SAMD9: variants seen among roughly 807,000 people sequenced by gnomAD.
SAMD9 encodes sterile alpha motif domain-containing protein 9.
Under a neutral mutation model 1.5 loss-of-function variants are expected in SAMD9, and 3 were observed. That is an observed-to-expected ratio of 2.05 (90% CI 0.93 to 5.29). SAMD9 has a LOEUF of 5.29. Ranked by LOEUF, SAMD9 falls within the 30% of genes most tolerant of loss-of-function variation. The probability of loss-of-function intolerance (pLI) is 0.02; values close to 1 mark genes in which losing one functional copy is unlikely to be tolerated. For synonymous variants in SAMD9, 635 were observed against 631.9 expected, an observed-to-expected ratio of 1.00 and a Z score of -0.07; for missense variants, 1,597 against 1,820.8, an observed-to-expected ratio of 0.88 and a Z score of 2.24.
rs576323214 is a variant in SAMD9, at chr7:93,101,648, C to T, written c.4450G>A (p.Gly1484Arg). 26 of 1,613,758 alleles carry T rather than the reference C, an allele frequency of 1.6e-5. No individual in the cohort carries two copies. The highest frequency in any genetic ancestry group is 3.3e-5 in the Admixed American group (2 of 60,002). Residue 1484 changes from glycine to arginine, a missense_variant, in exon 3 of 3, where the codon GGA becomes AGA. Physicochemically the swap from Gly to Arg is moderately radical, Grantham distance 125. This residue lies in a region of SAMD9 where 682 missense variants were observed against 810.0 expected (regional missense o/e 0.84). Coordinates refer to ENST00000379958, the MANE Select transcript of SAMD9 (RefSeq NM_017654.4). ...AGTCTTTCCAGTCTTTTACCTTTTC[C>T]AAGAAAGAAATATGCAATTGGTTGC... ...TKQPIAYFFL[G>R]KGKRLERLVH...
intron 2 of SAMD9, among the ~76,000 whole-genome samples, chr7:93,108,932 G>A (rs762952759): frequency 3.3e-5 from 5 of 152,178 alleles, no homozygotes; most frequent in Non-Finnish European, 5.9e-5. Flanking sequence ...ATCCCTGTCT[G>A]ACAGCTTTGA....
chr7:93,101,668 G>T lies in SAMD9; in HGVS notation c.4430C>A (p.Pro1477Gln). 1 of 1,613,612 alleles carries T rather than the reference G, an allele frequency of 6.2e-7. No homozygotes were observed. Among genetic ancestry groups the T allele is most frequent in the Non-Finnish European group, 8.5e-7 (1 of 1,179,610 alleles). The change falls in exon 3 of 3, where the codon CCA becomes CAA. Residue 1477 changes from proline (P) to glutamine (Q), a missense_variant. By Grantham distance (76) the Pro-to-Gln change is moderately conservative. Transcript: ENST00000379958. ...TTTTCCAAGAAAGAAATATGCAATT[G>T]GTTGCTTTGTACGATGCATATGTTT... ...QYKHMHRTKQPIAYFFLGKGK... is the reference protein window; with the variant it reads ...QYKHMHRTKQQIAYFFLGKGK...
chr7:93,114,295 T>C (rs1460836387), intron 2 of SAMD9, among the ~76,000 whole-genome samples: 19 of 94,508 alleles, frequency 2.0e-4, no homozygotes, highest in South Asian at 8.4e-4. Flanking sequence ...CACTGGGGCC[T>C]GTTGTGGGGT....
chr7:93,110,262 A>G (rs948863175), intron 2 of SAMD9, among the ~76,000 whole-genome samples: 4 of 152,298 alleles, frequency 2.6e-5, no homozygotes, highest in African/African-American at 9.6e-5. Context: ...AATGCCGAGA[A>G]ATTTTGTTAC....
chr7:93,110,871 C>A (rs543255198), intron 2 of SAMD9, among the ~76,000 whole-genome samples: 4 of 152,180 alleles, frequency 2.6e-5, no homozygotes, highest in African/African-American at 9.6e-5. Context: ...ACTTTAACAC[C>A]CCACTGTCAA....
At position 93,104,438 on chromosome 7, in the gene SAMD9, C is replaced by T. The variant is rs1584253924; in HGVS notation, c.1660G>A (p.Asp554Asn). 1 of 1,613,862 alleles carries T rather than the reference C, an allele frequency of 6.2e-7. No homozygotes were observed. Among genetic ancestry groups the T allele is most frequent in the East Asian group, 2.2e-5 (1 of 44,882 alleles). The change falls in exon 3 of 3, where the codon GAT becomes AAT. Residue 554 changes from aspartate (D) to asparagine (N), a missense_variant. By Grantham distance (23) the Asp-to-Asn change is conservative (BLOSUM62 1). Around this residue, in one of 6 missense-constraint regions of SAMD9, gnomAD observed 358 missense variants for 460.4 expected, o/e 0.78. Coordinates refer to ENST00000379958, the MANE Select transcript of SAMD9 (RefSeq NM_017654.4). ...LLLSSVDDPR[D>N]PLIETFCAFY... Reference sequence around the variant, plus strand: ...GCACAGAAAGTCTCAATGAGGGGATCTCTTGGGTCATCCACAGAGGACAGT... The same window carrying T: ...GCACAGAAAGTCTCAATGAGGGGATTTCTTGGGTCATCCACAGAGGACAGT...
rs1188960627 is a variant in SAMD9 at position 93,104,436 on chromosome 7, A to T, written c.1662T>A (p.Asp554Glu). 2 of 1,613,940 alleles carry T rather than the reference A, an allele frequency of 1.2e-6. No homozygotes were observed. The highest frequency in any genetic ancestry group is 1.7e-5 in the Admixed American group (1 of 60,016). Reference protein sequence around the residue: ...LLLSSVDDPRDPLIETFCAFY... With the variant: ...LLLSSVDDPREPLIETFCAFY... ...AAGCACAGAAAGTCTCAATGAGGGG[A>T]TCTCTTGGGTCATCCACAGAGGACA... Residue 554 changes from aspartate (D) to glutamate (E), a missense_variant, in exon 3 of 3, where the codon GAT becomes GAA. Coordinates refer to ENST00000379958, the MANE Select transcript of SAMD9 (RefSeq NM_017654.4).
chr7:93,109,329 T>TAAAACCACAAAGATGGGAA (rs1235110798), intron 2 of SAMD9, among the ~76,000 whole-genome samples: 2 of 152,094 alleles, frequency 1.3e-5, no homozygotes, highest in Non-Finnish European at 2.9e-5. Flanking sequence ...CAAAGGTAGA[T>TAAAACCACAAAGATGGGAA]AAAACCACAA....
intron 2 of SAMD9, among the ~76,000 whole-genome samples, chr7:93,109,700 G>T (rs1297497826): frequency 6.6e-6 from 1 of 152,030 alleles, no homozygotes; most frequent in African/African-American, 2.4e-5. Flanking sequence ...TGGAAGAAAG[G>T]GTATCAGTGA....
chr7:93,110,254 T>C (rs372416658), intron 2 of SAMD9, among the ~76,000 whole-genome samples: 3 of 152,138 alleles, frequency 2.0e-5, no homozygotes, highest in African/African-American at 7.2e-5. Context: ...GACAAGCAAA[T>C]GCCGAGAAAT....
In SAMD9 at chr7:93,103,317, A is replaced by G; in HGVS notation, c.2781T>C (p.Tyr927=). The G allele has an allele frequency of 1.9e-6, 3 of 1,613,650 alleles. No homozygotes were observed. Among genetic ancestry groups the G allele is most frequent in the Non-Finnish European group, 1.7e-6 (2 of 1,179,688 alleles). Residue 927 remains tyrosine (Y), a synonymous_variant, in exon 3 of 3, where the codon TAT becomes TAC. Transcript: ENST00000379958. ...LFSFLALLNS[Y]VPDTTISLSQ... is the part of the protein sequence containing the mutation. ...ATAGTGAAATGGTGGTATCAGGCAC[A>G]TATGAATTAAGAAGAGCCAGAAAAG...
Position 93,103,886 on chromosome 7 carries a change from G to T in SAMD9, c.2212C>A (p.His738Asn). The T allele has an allele frequency of 5.0e-6, 8 of 1,613,980 alleles. No individual in the cohort carries two copies. Among genetic ancestry groups the T allele is most frequent in the Non-Finnish European group, 6.8e-6 (8 of 1,179,848 alleles). The change falls in exon 3 of 3, where the codon CAT (histidine) becomes AAT (asparagine). Residue 738 changes from histidine (H) to asparagine (N), a missense_variant. Physicochemically the swap from His to Asn is moderately conservative, Grantham distance 68. Coordinates refer to ENST00000379958, the MANE Select transcript of SAMD9 (RefSeq NM_017654.4). The part of the protein sequence containing the change: ...TSTKIIHLYH[H>N]PGCGGTTLAM... ...AAGGTAGTTCCCCCACAGCCTGGAT[G>T]ATGATACAGATGAATAATTTTGGTA... is the stretch of plus-strand genomic sequence containing the variant.
Position 93,105,442 on chromosome 7 carries a change from AC to A in SAMD9, c.655del (p.Val219PhefsTer9). ...CATACAAGCTGAAGCAAATCGGAAA[AC>A]CTCATTGCTAAATTTCATCTTGACA... ...EDVKMKFSNE[V>X]FRFASACMNS... On this transcript the variant is annotated frameshift_variant, in exon 3 of 3. Transcript: ENST00000379958. LOFTEE classifies it low-confidence loss of function (END_TRUNC). The A allele has an allele frequency of 6.2e-7, 1 of 1,613,850 alleles. No homozygotes were observed. The highest frequency in any genetic ancestry group is 8.5e-7 in the Non-Finnish European group (1 of 1,179,952).
Position 93,104,466 on chromosome 7 carries a change from T to C in SAMD9, c.1632A>G (p.Leu544=), listed in dbSNP as rs1296671680. The change falls in exon 3 of 3, where the codon CTA becomes CTG. Residue 544 remains leucine (L), a synonymous_variant. Transcript: ENST00000379958. ...TTGGGTCATCCACAGAGGACAGTAA[T>C]AGAAATACCACCAAAAACTTCCCTC... ...MPRGKFLVVF[L]LLSSVDDPRD... is the part of the protein sequence containing the mutation. 1.9e-6 allele frequency: 3 copies of C among 1,613,910 alleles called. No homozygotes were observed. Among genetic ancestry groups the C allele is most frequent in the Non-Finnish European group, 1.7e-6 (2 of 1,179,904 alleles).
chr7:93,117,291 G>GTTGTTT (rs1475247848), intron 1 of SAMD9, among the ~76,000 whole-genome samples: 2 of 151,256 alleles, frequency 1.3e-5, no homozygotes, highest in Admixed American at 6.6e-5. Flanking sequence ...TGTTGTTGTT[G>GTTGTTT]TTTTTGAGAC....
chr7:93,105,406 G>A lies in SAMD9; in HGVS notation c.692C>T (p.Thr231Ile). 6.2e-7 allele frequency: 1 copy of A among 1,613,998 alleles called. No homozygotes were observed. The highest frequency in any genetic ancestry group is 8.5e-7 in the Non-Finnish European group (1 of 1,179,984). The change falls in exon 3 of 3, where the codon ACC becomes ATC. Residue 231 changes from threonine (T) to isoleucine (I), a missense_variant. This residue lies in a region of SAMD9 where 498 missense variants were observed against 457.4 expected (regional missense o/e 1.09). Coordinates refer to ENST00000379958, the MANE Select transcript of SAMD9 (RefSeq NM_017654.4). ...GACTCCAAAATGAATAGTGCCATTG[G>A]TACGTGAATTCATACAAGCTGAAGC... is the stretch of plus-strand genomic sequence containing the variant. ...RFASACMNSR[T>I]NGTIHFGVKD...
rs1373912469 is a variant in SAMD9, at chr7:93,104,443, G to C, written c.1655C>G (p.Pro552Arg). Residue 552 changes from proline to arginine, a missense_variant, in exon 3 of 3, where the codon CCA becomes CGA. Pro to Arg is a moderately radical substitution (Grantham distance 103, BLOSUM62 -2). This residue lies in a region of SAMD9 where 358 missense variants were observed against 460.4 expected (regional missense o/e 0.78). Transcript: ENST00000379958. Reference protein sequence around the residue: ...VFLLLSSVDDPRDPLIETFCA... With the variant: ...VFLLLSSVDDRRDPLIETFCA... ...GAAAGTCTCAATGAGGGGATCTCTT[G>C]GGTCATCCACAGAGGACAGTAATAG... The C allele has an allele frequency of 6.2e-7, 1 of 1,613,768 alleles. No individual in the cohort carries two copies. Among genetic ancestry groups the C allele is most frequent in the Non-Finnish European group, 8.5e-7 (1 of 1,179,832 alleles).
rs959103332 is a variant in SAMD9, at chr7:93,103,247, A to G, written c.2851T>C (p.Trp951Arg). Residue 951 changes from tryptophan to arginine, a missense_variant, in exon 3 of 3, where the codon TGG becomes CGG. Trp to Arg is a moderately radical substitution (Grantham distance 101). Coordinates refer to ENST00000379958, the MANE Select transcript of SAMD9 (RefSeq NM_017654.4). ...FLGIGNKKAF[W>R]GTEKFEDKMG... ...TTGTCTTCAAATTTTTCTGTCCCCC[A>G]GAAAGCCTTCTTGTTTCCAATTCCT... The G allele has an allele frequency of 1.2e-6, 2 of 1,613,656 alleles. No homozygotes were observed. Among genetic ancestry groups the G allele is most frequent in the Non-Finnish European group, 1.7e-6 (2 of 1,179,760 alleles).
Position 93,102,287 on chromosome 7 carries a change from A to C in SAMD9, c.3811T>G (p.Phe1271Val). ...KFSLKKSFDFFDEYFVLLKPR... is the reference protein window; with the variant it reads ...KFSLKKSFDFVDEYFVLLKPR... Reference sequence around the variant, plus strand: ...TTTAGCAGGACAAAGTATTCATCAAAAAAATCAAAGGACTTTTTCAAAGAA... The same window carrying C: ...TTTAGCAGGACAAAGTATTCATCAACAAAATCAAAGGACTTTTTCAAAGAA... The change falls in exon 3 of 3, where the codon TTT becomes GTT. Residue 1271 changes from phenylalanine to valine, a missense_variant. Phe to Val is a conservative substitution (Grantham distance 50, BLOSUM62 -1). This residue lies in a region of SAMD9 where 682 missense variants were observed against 810.0 expected (regional missense o/e 0.84). Transcript: ENST00000379958. 1 of 1,612,622 alleles carries C rather than the reference A, an allele frequency of 6.2e-7. No individual in the cohort carries two copies. Among genetic ancestry groups the C allele is most frequent in the Non-Finnish European group, 8.5e-7 (1 of 1,178,826 alleles).
Sources: gnomAD v4.1 joint callset for allele counts (sites outside exome capture counted in the v4.1 genomes callset) on GRCh38, gnomAD v4.1.1 for gene constraint, gnomAD v4.1.1 regional missense constraint, MANE v1.5 for transcripts, NCBI Gene and HGNC (gene_info 2026-07-23, HGNC 2026-07-21) for gene names.